The following GRM4 variants were observed in gnomAD, a reference collection of about 807,000 sequenced individuals.
The protein encoded by GRM4 is glutamate metabotropic receptor 4.
GRM4 carries 28 observed loss-of-function variants against 81.7 expected under a neutral mutation model. That is an observed-to-expected ratio of 0.34 (90% CI 0.25 to 0.47). The LOEUF (loss-of-function observed/expected upper bound fraction) is 0.47. Among genes scored for constraint, GRM4 ranks in the 20% least tolerant of loss-of-function variants. The pLI, the probability that GRM4 is intolerant of heterozygous loss-of-function variation, is 1.00. For synonymous variants in GRM4, 488 were observed against 528.8 expected (o/e 0.92, Z 1.06); for missense variants, 948 against 1,290.0 (o/e 0.73, Z 4.06).
At chr6:34,140,206 G>A (rs957570159) in intron 1 of GRM4, among the ~76,000 whole-genome samples, 39 of 152,228 alleles carry the variant, frequency 2.6e-4, no homozygotes, top group African/African-American at 9.2e-4. Flanking sequence ...ACATCTGGGA[G>A]AAGAGGATTC....
chr6:34,136,305 G>A lies in GRM4; in HGVS notation c.-363-2446C>T, dbSNP rs78929423. The stretch of plus-strand genomic sequence containing the variant: ...GGCTGCTCCTCTGTGCTGGCCCAGA[G>A]GATCTCTCAGGCCTTGCCAGTTCTA... On this transcript the variant is annotated intron_variant, in intron 1 of 10. Transcript: ENST00000538487. This position sits in a 1 kb window ranked among gnomAD's most constrained non-coding sequence, Gnocchi z 4.1. Among the ~76,000 whole-genome samples the A allele has an allele frequency of 1.3e-5, 2 of 152,128 alleles. No homozygotes were observed. The highest frequency in any genetic ancestry group is 4.8e-5 in the African/African-American group (2 of 41,418).
Position 34,059,149 on chromosome 6 carries a change from C to T in GRM4, c.873-21G>A, listed in dbSNP as rs550778919. Reference sequence around the variant, plus strand: ...CACGCCTGTAGGAACATACACCAGCCCAGCCCAGCCGCGTCTGTCCACGAA... The same window carrying T: ...CACGCCTGTAGGAACATACACCAGCTCAGCCCAGCCGCGTCTGTCCACGAA... On this transcript the variant is annotated intron_variant, in intron 4 of 10. Coordinates refer to ENST00000538487, the MANE Select transcript of GRM4 (RefSeq NM_000841.4). This position sits in a 1 kb window ranked among gnomAD's most constrained non-coding sequence, Gnocchi z 5.7. 28 of 1,612,572 alleles carry T rather than the reference C, an allele frequency of 1.7e-5. No individual in the cohort carries two copies. In the South Asian group the frequency reaches 3.1e-4, roughly 18 times the overall value.
rs1252115886 is a variant in GRM4 at position 34,133,023 on chromosome 6, C to T, written c.474G>A (p.Gly158=). Residue 158 remains glycine (G), a synonymous_variant, in exon 2 of 11, where the codon GGG becomes GGA. Coordinates refer to ENST00000538487, the MANE Select transcript of GRM4 (RefSeq NM_000841.4). This position sits in a 1 kb window ranked among gnomAD's most constrained non-coding sequence, Gnocchi z 6.5. ...ERVVGVIGAS[G]SSVSIMVANI... is the part of the protein sequence containing the mutation. ...TGGCCACCATGATGGAGACCGAGCT[C>T]CCTGAAGCACCGATGACACCCACCA... The T allele has an allele frequency of 1.2e-6, 2 of 1,613,160 alleles. No homozygotes were observed. Among genetic ancestry groups the T allele is most frequent in the African/African-American group, 2.7e-5 (2 of 74,912 alleles).
chr6:34,155,033 G>A (rs1190307958), intron 1 of GRM4: 5 of 1,422,488 alleles, frequency 3.5e-6, no homozygotes, highest in East Asian at 2.5e-5. Context: ...GCACCTCCCC[G>A]TCCCACGCCC....
chr6:34,133,067 T>C lies in GRM4; in HGVS notation c.430A>G (p.Ile144Val). Residue 144 changes from isoleucine (I) to valine (V), a missense_variant, in exon 2 of 11, where the codon ATC (isoleucine) becomes GTC (valine). Physicochemically the swap from Ile to Val is conservative, Grantham distance 29. Transcript: ENST00000538487. The surrounding 1 kb of genome is among the most constrained non-coding windows in gnomAD (Gnocchi z 6.5). ...CCCACCACACGTTCAGGCTTGGTGA[T>C]GATGGGTGGGCCGCCACTGCCACAG... ...VRCGSGGPPI[I>V]TKPERVVGVI... is the part of the protein sequence containing the mutation. 6.2e-7 allele frequency: 1 copy of C among 1,613,858 alleles called. No individual in the cohort carries two copies. Among genetic ancestry groups the C allele is most frequent in the Non-Finnish European group, 8.5e-7 (1 of 1,179,972 alleles).
chr6:34,151,849 G>A (rs1771053367), intron 1 of GRM4, among the ~76,000 whole-genome samples: 1 of 152,120 alleles, frequency 6.6e-6, no homozygotes, highest in African/African-American at 2.4e-5. Context: ...GTCCTCACAA[G>A]TGAGTGTTCC....
chr6:34,145,743 A>G (rs1255869992), intron 1 of GRM4, among the ~76,000 whole-genome samples: 1 of 152,188 alleles, frequency 6.6e-6, no homozygotes, highest in Non-Finnish European at 1.5e-5. Flanking sequence ...CCGAGGAGGC[A>G]CGAGACCAAT....
At chr6:34,071,877 G>T (rs1251273664) in intron 3 of GRM4, among the ~76,000 whole-genome samples, 2 of 135,360 alleles carry the variant, frequency 1.5e-5, no homozygotes, top group African/African-American at 5.9e-5. Context: ...TCAACACACA[G>T]CTACACAGCA....
intron 6 of GRM4, among the ~76,000 whole-genome samples, chr6:34,052,538 G>A (rs1765667397): frequency 6.6e-6 from 1 of 152,212 alleles, no homozygotes; most frequent in Non-Finnish European, 1.5e-5. Flanking sequence ...AGTGGCACTT[G>A]CTCTCCGTGA....
At position 34,028,485 on chromosome 6, in the gene GRM4, G is replaced by A. The variant is rs1444277686; in HGVS notation, c.2443-119C>T. The A allele has an allele frequency of 8.9e-6, 10 of 1,126,342 alleles. No homozygotes were observed. The South Asian group carries it at 8.9e-5, about 10-fold the overall frequency. The allele number at this position is 1,126,342 out of a possible 1,614,324, so 69.8% of individuals were successfully genotyped here. A position where few individuals can be genotyped will look rare whatever the true frequency, so the allele number is the denominator to read the frequency against. On this transcript the variant is annotated intron_variant, in intron 9 of 10. Coordinates refer to ENST00000538487, the MANE Select transcript of GRM4 (RefSeq NM_000841.4). ...CGCTGCCTTCAGGCAGAAGGAAGTC[G>A]TGGCTTGGAGCTGGGACTGCAGACC...
At chr6:34,132,393 A>G (rs1307286604) in intron 2 of GRM4, among the ~76,000 whole-genome samples, 3 of 152,202 alleles carry the variant, frequency 2.0e-5, no homozygotes, top group Non-Finnish European at 4.4e-5. Flanking sequence ...ACATTCTCCA[A>G]CCATAATCTC....
intron 10 of GRM4, among the ~76,000 whole-genome samples, chr6:34,025,702 T>G (rs955798638): frequency 6.6e-6 from 1 of 152,126 alleles, no homozygotes; most frequent in African/African-American, 2.4e-5. Flanking sequence ...TCAGGACACT[T>G]GGGGACCAGT....
chr6:34,044,431 G>T (rs917170162), intron 6 of GRM4, among the ~76,000 whole-genome samples: 49 of 117,404 alleles, frequency 4.2e-4, no homozygotes, highest in Admixed American at 3.1e-3. Flanking sequence ...CATACACACA[G>T]ACATACATAC....
chr6:34,106,552 C>T (rs1168651365), intron 2 of GRM4, among the ~76,000 whole-genome samples: 1 of 152,222 alleles, frequency 6.6e-6, no homozygotes, highest in African/African-American at 2.4e-5. Flanking sequence ...CACCCTCCCC[C>T]TCACTCACCC....
At chr6:34,140,059 T>C (rs898813889) in intron 1 of GRM4, among the ~76,000 whole-genome samples, 1 of 151,736 alleles carries the variant, frequency 6.6e-6, no homozygotes, top group Non-Finnish European at 1.5e-5. Flanking sequence ...TCAGGCGATA[T>C]GAAAAAAAAT....
At position 34,069,196 on chromosome 6, in the gene GRM4, A is replaced by ACACACACGCACG. The variant is rs1554123163; in HGVS notation, c.737-7169_737-7168insCGTGCGTGTGTG. ...CACACACACACACACACACACACACACACACACACGCACGCACACACGGCT... is the reference window on the plus strand; with the variant it reads ...CACACACACACACACACACACACACACACACACGCACGCACACACACGCACGCACACACGGCT... On this transcript the variant is annotated intron_variant, in intron 3 of 10. Coordinates refer to ENST00000538487, the MANE Select transcript of GRM4 (RefSeq NM_000841.4). The surrounding 1 kb of genome is among the most constrained non-coding windows in gnomAD (Gnocchi z 6.4). Among the ~76,000 whole-genome samples the ACACACACGCACG allele has an allele frequency of 6.9e-6, 1 of 144,654 alleles. No homozygotes were observed. The highest frequency in any genetic ancestry group is 1.5e-5 in the Non-Finnish European group (1 of 67,704). The allele number at this position is 144,654 out of a possible 152,430, so 94.9% of individuals were successfully genotyped here. A position where few individuals can be genotyped will look rare whatever the true frequency, so the allele number is the denominator to read the frequency against.
intron 5 of GRM4, 87 bp from the exon 6 acceptor site, chr6:34,056,771 G>A: frequency 1.3e-5 from 19 of 1,449,812 alleles, no homozygotes; most frequent in South Asian, 6.5e-5. Flanking sequence ...ATAAGAGATG[G>A]TCCAGGCGGA....
At chr6:34,044,703 TAC>T (rs201286911) in intron 6 of GRM4, among the ~76,000 whole-genome samples, 27 of 128,712 alleles carry the variant, frequency 2.1e-4, no homozygotes, top group Admixed American at 1.7e-3. Context: ...TACACATATA[TAC>T]AGACACACAC....
intron 1 of GRM4, among the ~76,000 whole-genome samples, chr6:34,151,959 G>C (rs1771055964): frequency 6.6e-6 from 1 of 152,086 alleles, no homozygotes; most frequent in African/African-American, 2.4e-5. Flanking sequence ...AAAGAATGGA[G>C]TGAGAAATGC....
Sources: allele counts gnomAD v4.1 joint callset (sites outside exome capture counted in the v4.1 genomes callset), GRCh38; gene constraint gnomAD v4.1.1; non-coding constraint Gnocchi (gnomAD v3.1); transcripts MANE v1.5; gene names NCBI Gene and HGNC (gene_info 2026-07-23, HGNC 2026-07-21).